PARD3: variants seen among roughly 807,000 people sequenced by gnomAD.
PARD3 encodes the protein partitioning defective 3 homolog.
PARD3 carries 75 observed loss-of-function variants against 155.4 expected under a neutral mutation model. The observed-to-expected ratio is 0.48, with a 90% CI of 0.40 to 0.58. The LOEUF is 0.58. Among genes scored for constraint, PARD3 ranks in the 20% least tolerant of loss-of-function variants. PARD3 has a pLI of 0.00. For synonymous variants in PARD3, 576 were observed against 610.5 expected, an observed-to-expected ratio of 0.94 and a Z score of 0.83; for missense variants, 1,642 against 1,721.7, an observed-to-expected ratio of 0.95 and a Z score of 0.82.
intron 5 of PARD3, among the ~76,000 whole-genome samples, chr10:34,418,463 C>T (rs1200241800): frequency 4.0e-5 from 6 of 151,836 alleles, no homozygotes; most frequent in Non-Finnish European, 8.8e-5. Context: ...TGTGAGTCAC[C>T]GCACCCAGCA....
intron 1 of PARD3, among the ~76,000 whole-genome samples, chr10:34,789,830 T>C (rs1841431128): frequency 1.3e-5 from 2 of 152,264 alleles, no homozygotes; most frequent in Non-Finnish European, 2.9e-5. Context: ...GGGTGTTTAC[T>C]ATCTTCTTTA....
intron 22 of PARD3, among the ~76,000 whole-genome samples, chr10:34,187,660 G>A (rs1950545240): frequency 6.6e-6 from 1 of 152,204 alleles, no homozygotes; most frequent in Non-Finnish European, 1.5e-5. Context: ...CCTCCTTTCT[G>A]TGATTCAGAT....
At chr10:34,625,702 C>T (rs1272739398) in intron 2 of PARD3, among the ~76,000 whole-genome samples, 1 of 151,948 alleles carries the variant, frequency 6.6e-6, no homozygotes, top group Non-Finnish European at 1.5e-5. Flanking sequence ...CACCTGAGGT[C>T]GGGAGTTTGA....
intron 1 of PARD3, among the ~76,000 whole-genome samples, chr10:34,761,606 C>A (rs1459585331): frequency 6.6e-6 from 1 of 152,114 alleles, no homozygotes; most frequent in Non-Finnish European, 1.5e-5. Flanking sequence ...CAAATAATGG[C>A]CTATTTCTTC....
intron 2 of PARD3, among the ~76,000 whole-genome samples, chr10:34,552,564 A>C (rs578153375): frequency 2.0e-5 from 3 of 152,342 alleles, no homozygotes; most frequent in East Asian, 3.9e-4. Flanking sequence ...GAAAAGAAAA[A>C]TTAGCCAGGC....
chr10:34,275,870 G>C (rs1042918837), intron 21 of PARD3, among the ~76,000 whole-genome samples: 1 of 152,046 alleles, frequency 6.6e-6, no homozygotes, highest in Non-Finnish European at 1.5e-5. Context: ...TTATCTCCAA[G>C]ATGTAAGAGT....
chr10:34,505,669 A>G (rs2081014361), intron 3 of PARD3, among the ~76,000 whole-genome samples: 1 of 152,224 alleles, frequency 6.6e-6, no homozygotes, highest in Non-Finnish European at 1.5e-5. Flanking sequence ...GACATGGGGC[A>G]GGATATCTCT....
intron 2 of PARD3, among the ~76,000 whole-genome samples, chr10:34,636,712 C>T (rs965593664): frequency 5.9e-5 from 9 of 152,296 alleles, no homozygotes; most frequent in African/African-American, 1.7e-4. Context: ...TGACTGCATG[C>T]GCTCTAGGGG....
intron 14 of PARD3, among the ~76,000 whole-genome samples, chr10:34,357,886 G>C (rs1243200912): frequency 6.6e-6 from 1 of 152,142 alleles, no homozygotes; most frequent in Non-Finnish European, 1.5e-5. Context: ...CTGAGCTCGA[G>C]AGTATATTTT....
At chr10:34,295,693 T>C (rs772575920) in intron 20 of PARD3, among the ~76,000 whole-genome samples, 4 of 152,210 alleles carry the variant, frequency 2.6e-5, no homozygotes, top group Non-Finnish European at 5.9e-5. Flanking sequence ...CTAGTGTGTA[T>C]ACTCATGACG....
chr10:34,408,529 G>T (rs1844726821), intron 5 of PARD3, among the ~76,000 whole-genome samples: 1 of 152,180 alleles, frequency 6.6e-6, no homozygotes, highest in South Asian at 2.1e-4. Flanking sequence ...AAGGGAATCT[G>T]TTTCCAAGTC....
intron 3 of PARD3, among the ~76,000 whole-genome samples, chr10:34,491,446 A>C (rs2079900319): frequency 6.6e-6 from 1 of 152,218 alleles, no homozygotes; most frequent in South Asian, 2.1e-4. Context: ...GGGCAAAATA[A>C]TCTGCATTTT....
chr10:34,687,782 C>T (rs1172862127), intron 2 of PARD3, among the ~76,000 whole-genome samples: 2 of 149,436 alleles, frequency 1.3e-5, no homozygotes, highest in Non-Finnish European at 3.0e-5. Context: ...GTTGATCATC[C>T]ACACAAAAGT....
intron 22 of PARD3, among the ~76,000 whole-genome samples, chr10:34,186,087 G>A (rs372493127): frequency 9.2e-5 from 14 of 151,984 alleles, no homozygotes; most frequent in African/African-American, 3.4e-4. Context: ...ACTTGGAGAA[G>A]GTTCTCTCTC....
At chr10:34,239,479 C>G (rs1434617925) in intron 22 of PARD3, among the ~76,000 whole-genome samples, 1 of 152,152 alleles carries the variant, frequency 6.6e-6, no homozygotes, top group Admixed American at 6.5e-5. Flanking sequence ...CCCCTAAGAT[C>G]TTTCTGCTAA....
rs377089198 is a variant in PARD3 at position 34,605,980 on chromosome 10, C to CTA, written c.223-88823_223-88822dup. The stretch of plus-strand genomic sequence containing the variant: ...TATATATCTCCTATATCTATATCTC[C>CTA]TATATATATATATCTCCTATATATA... On this transcript the variant is annotated intron_variant, in intron 2 of 24. Transcript: ENST00000374788. Among the ~76,000 whole-genome samples the CTA allele has an allele frequency of 2.2e-3, 2 of 914 alleles. 1 individual carries two copies. The highest frequency in any genetic ancestry group is 4.3e-3 in the African/African-American group (2 of 470). The allele number at this position is 914 out of a possible 152,430, so 0.6% of individuals were successfully genotyped here.
intron 2 of PARD3, among the ~76,000 whole-genome samples, chr10:34,666,816 T>TATATATATATATATATATACAC (rs765552982): frequency 1.2e-3 from 104 of 88,748 alleles, no homozygotes; most frequent in African/African-American, 3.0e-3. Context: ...TATATATATA[T>TATATATATATATATATATACAC]ACACACACAC....
At chr10:34,199,033 C>T (rs1161979619) in intron 22 of PARD3, among the ~76,000 whole-genome samples, 2 of 152,108 alleles carry the variant, frequency 1.3e-5, no homozygotes, top group Non-Finnish European at 2.9e-5. Context: ...ATGGGCAGAA[C>T]CTAAGCACTG....
At chr10:34,467,595 C>T (rs1199186261) in intron 4 of PARD3, among the ~76,000 whole-genome samples, 1 of 151,850 alleles carries the variant, frequency 6.6e-6, no homozygotes, top group African/African-American at 2.4e-5. Context: ...AAAAATTAAA[C>T]AACCAGCCAG....
Sources: allele counts gnomAD v4.1 joint callset (sites outside exome capture counted in the v4.1 genomes callset), GRCh38; gene constraint gnomAD v4.1.1; transcripts MANE v1.5; gene names NCBI Gene and HGNC (gene_info 2026-07-23, HGNC 2026-07-21).